The following SLC25A21 variants were observed in gnomAD, a reference collection of about 807,000 sequenced individuals.
SLC25A21 encodes the protein mitochondrial 2-oxodicarboxylate carrier.
SLC25A21 carries 47 observed loss-of-function variants against 43.8 expected under a neutral mutation model. That is an observed-to-expected ratio of 1.07 (90% CI 0.85 to 1.37). The LOEUF (loss-of-function observed/expected upper bound fraction) is 1.37. SLC25A21 is among the 40% of genes most tolerant of loss of function. The pLI, the probability that SLC25A21 is intolerant of heterozygous loss-of-function variation, is 0.00. For synonymous variants in SLC25A21, 131 were observed against 121.3 expected, an observed-to-expected ratio of 1.08 and a Z score of -0.52; for missense variants, 352 against 350.2, an observed-to-expected ratio of 1.00 and a Z score of -0.04.
intron 1 of SLC25A21, among the ~76,000 whole-genome samples, chr14:37,033,538 C>T (rs1052127571): frequency 6.6e-6 from 1 of 152,160 alleles, no homozygotes; most frequent in Non-Finnish European, 1.5e-5. Context: ...AACTTGATAT[C>T]CATCCTCCAG....
At chr14:36,735,078 T>C (rs1428998851) in intron 3 of SLC25A21, among the ~76,000 whole-genome samples, 1 of 152,184 alleles carries the variant, frequency 6.6e-6, no homozygotes, top group Non-Finnish European at 1.5e-5. Flanking sequence ...TCCAGCCCCG[T>C]CCTGATTTAG....
intron 1 of SLC25A21, among the ~76,000 whole-genome samples, chr14:37,014,087 C>T (rs1960792994): frequency 6.6e-6 from 1 of 152,072 alleles, no homozygotes; most frequent in Admixed American, 6.6e-5. Context: ...CTTGCCTTCA[C>T]ATTGGTGAAG....
intron 3 of SLC25A21, among the ~76,000 whole-genome samples, chr14:36,735,780 A>G (rs1435465032): frequency 6.7e-6 from 1 of 150,052 alleles, no homozygotes; most frequent in Non-Finnish European, 1.5e-5. Flanking sequence ...ACTTGAGGGC[A>G]GCGCACCCTT....
intron 1 of SLC25A21, among the ~76,000 whole-genome samples, chr14:36,894,984 C>T (rs1439872884): frequency 1.3e-5 from 2 of 151,948 alleles, no homozygotes; most frequent in South Asian, 2.1e-4. Flanking sequence ...TCATCAGGGA[C>T]ATTGGTCTAA....
At chr14:37,109,382 A>G (rs1962978110) in intron 1 of SLC25A21, among the ~76,000 whole-genome samples, 1 of 152,132 alleles carries the variant, frequency 6.6e-6, no homozygotes, top group African/African-American at 2.4e-5. Flanking sequence ...GGAAGAAAAG[A>G]AAAAAGGAGG....
intron 3 of SLC25A21, among the ~76,000 whole-genome samples, chr14:36,735,345 A>G (rs1391876493): frequency 6.6e-6 from 1 of 152,226 alleles, no homozygotes; most frequent in Admixed American, 6.5e-5. Flanking sequence ...AGAATTCAAA[A>G]TTTTAAATTC....
intron 1 of SLC25A21, among the ~76,000 whole-genome samples, chr14:37,041,078 G>A (rs750048299): frequency 1.3e-5 from 2 of 152,038 alleles, no homozygotes; most frequent in Non-Finnish European, 2.9e-5. Context: ...GATAGAGAGT[G>A]AAAAAGAATA....
intron 1 of SLC25A21, among the ~76,000 whole-genome samples, chr14:36,933,413 G>C (rs963754406): frequency 2.6e-5 from 4 of 151,966 alleles, no homozygotes; most frequent in African/African-American, 7.2e-5. Context: ...TCCACCACCG[G>C]GATATTTGAT....
intron 1 of SLC25A21, among the ~76,000 whole-genome samples, chr14:37,078,686 T>C (rs1014512172): frequency 6.6e-6 from 1 of 152,210 alleles, no homozygotes; most frequent in African/African-American, 2.4e-5. Context: ...AATGGAAAGA[T>C]ACTGGAAGGC....
chr14:36,705,077 T>A (rs912065274), intron 7 of SLC25A21, among the ~76,000 whole-genome samples: 1 of 152,000 alleles, frequency 6.6e-6, no homozygotes, highest in Non-Finnish European at 1.5e-5. Flanking sequence ...TTGAGACGGA[T>A]CTCACTCTGT....
intron 1 of SLC25A21, among the ~76,000 whole-genome samples, chr14:37,149,806 G>A (rs1963727971): frequency 6.6e-6 from 1 of 151,860 alleles, no homozygotes; most frequent in Non-Finnish European, 1.5e-5. Flanking sequence ...AAATCCCTTA[G>A]CTGTATACAT....
intron 1 of SLC25A21, among the ~76,000 whole-genome samples, chr14:37,100,670 T>C (rs1252558385): frequency 6.6e-6 from 1 of 152,190 alleles, no homozygotes; most frequent in Admixed American, 6.5e-5. Flanking sequence ...TCCATCCCTA[T>C]GGACTACATC....
chr14:36,698,456 G>T (rs1883135051), intron 7 of SLC25A21, among the ~76,000 whole-genome samples: 2 of 152,090 alleles, frequency 1.3e-5, no homozygotes, highest in Non-Finnish European at 2.9e-5. Flanking sequence ...TTGAATGTTG[G>T]CCTGCCTTGC....
chr14:36,693,013 C>T (rs1882855513), intron 7 of SLC25A21, among the ~76,000 whole-genome samples: 1 of 152,196 alleles, frequency 6.6e-6, no homozygotes, highest in Non-Finnish European at 1.5e-5. Flanking sequence ...CTCTGTAGCA[C>T]ATCACTATCA....
chr14:37,107,332 T>A (rs1410292393), intron 1 of SLC25A21, among the ~76,000 whole-genome samples: 1 of 151,888 alleles, frequency 6.6e-6, no homozygotes, highest in Non-Finnish European at 1.5e-5. Flanking sequence ...TACGGGGCAC[T>A]ACACCTGACT....
chr14:37,145,600 G>A (rs1159221056), intron 1 of SLC25A21, among the ~76,000 whole-genome samples: 1 of 152,100 alleles, frequency 6.6e-6, no homozygotes, highest in Non-Finnish European at 1.5e-5. Flanking sequence ...ACTGCCACAT[G>A]TGTGGGATTG....
intron 1 of SLC25A21, among the ~76,000 whole-genome samples, chr14:36,988,336 A>G (rs1311106082): frequency 6.6e-6 from 1 of 152,184 alleles, no homozygotes; most frequent in African/African-American, 2.4e-5. Flanking sequence ...GCTAGATAAA[A>G]CAGGGTACGT....
chr14:36,683,171 T>C (rs1882364869), intron 9 of SLC25A21, among the ~76,000 whole-genome samples: 1 of 152,198 alleles, frequency 6.6e-6, no homozygotes, highest in African/African-American at 2.4e-5. Flanking sequence ...GCCCTGGCGG[T>C]TGAGTCTGCA....
rs76914480 is a variant in SLC25A21 at position 36,873,077 on chromosome 14, T to A, written c.119+1879A>T. On this transcript the variant is annotated intron_variant, in intron 2 of 9. Transcript: ENST00000331299. The stretch of plus-strand genomic sequence containing the variant: ...CTCTATGTTCATTGGAACAGTTTAC[T>A]AAGTTAGGAAATTACCCTCAAATGA... Among the ~76,000 whole-genome samples the A allele has an allele frequency of 1.9e-3, 287 of 152,326 alleles. 1 individual carries two copies. Among genetic ancestry groups the A allele is most frequent in the African/African-American group, 6.7e-3 (279 of 41,588 alleles).
Sources: allele counts gnomAD v4.1 joint callset (sites outside exome capture counted in the v4.1 genomes callset), GRCh38; gene constraint gnomAD v4.1.1; transcripts MANE v1.5; gene names NCBI Gene and HGNC (gene_info 2026-07-23, HGNC 2026-07-21).